ITGA8: variants seen among roughly 807,000 people sequenced by gnomAD.
ITGA8 encodes the protein integrin alpha-8.
ITGA8 carries 91 observed loss-of-function variants against 142.3 expected under a neutral mutation model. The observed-to-expected ratio is 0.64, with a 90% CI of 0.54 to 0.76. The LOEUF is 0.76. Ranked by LOEUF, ITGA8 falls within the 30% of genes least tolerant of loss-of-function variation. The pLI is 0.00. For synonymous variants in ITGA8, 505 were observed against 485.2 expected (o/e 1.04, Z -0.54); for missense variants, 1,406 against 1,327.7 (o/e 1.06, Z -0.92).
At chr10:15,671,995 T>G (rs1157409526) in intron 7 of ITGA8, among the ~76,000 whole-genome samples, 2 of 152,136 alleles carry the variant, frequency 1.3e-5, no homozygotes, top group Non-Finnish European at 2.9e-5. Flanking sequence ...AGCTGCTGAT[T>G]GAAAATAATG....
At chr10:15,669,133 C>T (rs1005520299) in intron 8 of ITGA8, among the ~76,000 whole-genome samples, 1 of 152,198 alleles carries the variant, frequency 6.6e-6, no homozygotes, top group Admixed American at 6.5e-5. Flanking sequence ...TGGTTCTATT[C>T]TCCCTGTCAC....
intron 27 of ITGA8, among the ~76,000 whole-genome samples, chr10:15,533,293 C>T (rs1174545485): frequency 6.6e-6 from 1 of 152,178 alleles, no homozygotes; most frequent in African/African-American, 2.4e-5. Context: ...TACTCCTACC[C>T]TCCAGAATAA....
Position 15,517,637 on chromosome 10 carries a change from C to T in ITGA8, c.3106-393G>A, listed in dbSNP as rs911002291. Among the ~76,000 whole-genome samples, 12 of 152,146 alleles carry T rather than the reference C, an allele frequency of 7.9e-5. 1 individual carries two copies. Among genetic ancestry groups the T allele is most frequent in the African/African-American group, 1.4e-4 (6 of 41,444 alleles). ...CCACACCTGGCCCTTTATGTATTTT[C>T]GAAGGAGCCTGGAGCTCTGCACGTA... On this transcript the variant is annotated intron_variant, in intron 29 of 29. Transcript: ENST00000378076.
chr10:15,549,394 A>T (rs10737106), intron 26 of ITGA8, among the ~76,000 whole-genome samples: 77,275 of 151,410 alleles, frequency 0.51, 23,618 homozygotes, highest in Middle Eastern at 0.67. Context: ...TATTTTTAGT[A>T]GAGATGGGGT....
chr10:15,649,288 C>A (rs1834043062), intron 11 of ITGA8, among the ~76,000 whole-genome samples: 1 of 151,662 alleles, frequency 6.6e-6, no homozygotes, highest in South Asian at 2.1e-4. Context: ...TATATTGTTA[C>A]AATCAATATT....
intron 23 of ITGA8, among the ~76,000 whole-genome samples, chr10:15,582,660 C>T (rs577204194): frequency 1.3e-5 from 2 of 152,268 alleles, no homozygotes; most frequent in South Asian, 4.1e-4. Flanking sequence ...ATATTGATGG[C>T]AAATAAGCAC....
intron 28 of ITGA8, among the ~76,000 whole-genome samples, chr10:15,523,015 CAA>C (rs60985014): frequency 9.2e-5 from 13 of 140,802 alleles, no homozygotes; most frequent in African/African-American, 1.8e-4. Context: ...GGCTCAGTCT[CAA>C]AAAAAAAAAA....
At position 15,677,574 on chromosome 10, in the gene ITGA8, T is replaced by C. The variant is rs184641621; in HGVS notation, c.676+18A>G. The C allele has an allele frequency of 4.4e-6, 7 of 1,609,100 alleles. No individual in the cohort carries two copies. The highest frequency in any genetic ancestry group is 5.9e-6 in the Non-Finnish European group (7 of 1,177,256). ...AGTAACAACAAATGTGCTTTTCTTG[T>C]CTGCCAACAGAACATACCTTGCCAG... On this transcript the variant is annotated intron_variant, in intron 6 of 29. Transcript: ENST00000378076.
intron 8 of ITGA8, among the ~76,000 whole-genome samples, chr10:15,666,635 G>C (rs1189159793): frequency 6.6e-6 from 1 of 152,168 alleles, no homozygotes; most frequent in East Asian, 1.9e-4. Context: ...TGTCCATTCA[G>C]TATGATATTG....
chr10:15,596,037 G>A (rs906884139), intron 21 of ITGA8, among the ~76,000 whole-genome samples: 4 of 152,120 alleles, frequency 2.6e-5, no homozygotes, highest in Non-Finnish European at 2.9e-5. Context: ...GGCAACAAGC[G>A]TGAAACTCCA....
chr10:15,529,402 T>A (rs953228131), intron 28 of ITGA8, among the ~76,000 whole-genome samples: 15 of 152,122 alleles, frequency 9.9e-5, no homozygotes, highest in African/African-American at 2.9e-4. Context: ...CTCAGAGAGG[T>A]AAAGTGACTT....
chr10:15,565,756 A>T (rs147119730), intron 25 of ITGA8, among the ~76,000 whole-genome samples: 7,859 of 151,208 alleles, frequency 0.052, 318 homozygotes, highest in African/African-American at 0.11. Context: ...CGCCCAGCTA[A>T]TTTTTGTACT....
chr10:15,677,796 T>C (rs948046323), intron 5 of ITGA8, among the ~76,000 whole-genome samples, 159 bp from the exon 6 acceptor site: 7 of 152,242 alleles, frequency 4.6e-5, no homozygotes, highest in African/African-American at 1.7e-4. Flanking sequence ...CAGTTCATTT[T>C]CTTTCCTCTT....
chr10:15,643,364 C>T (rs1364262928), intron 13 of ITGA8, among the ~76,000 whole-genome samples: 2 of 152,172 alleles, frequency 1.3e-5, no homozygotes, highest in Non-Finnish European at 2.9e-5. Flanking sequence ...AGTGCAGCCT[C>T]CGCCTCCCGG....
chr10:15,710,446 A>G (rs1458744277), intron 2 of ITGA8, among the ~76,000 whole-genome samples: 2 of 152,236 alleles, frequency 1.3e-5, no homozygotes, highest in African/African-American at 4.8e-5. Context: ...AAGGATTTGT[A>G]GCTACTTTAG....
At position 15,605,793 on chromosome 10, in the gene ITGA8, TG is replaced by T. The variant is rs1833184644; in HGVS notation, c.1903-3del. On this transcript the variant is annotated splice_region_variant and splice_polypyrimidine_tract_variant and intron_variant, in intron 18 of 29. Transcript: ENST00000378076. Reference sequence around the variant, plus strand: ...TCCACAGTCCACCAGAATGTGAGCCTGTGTTGTATAAACGCACGTCAGGAAC... The same window carrying T: ...TCCACAGTCCACCAGAATGTGAGCCTTGTTGTATAAACGCACGTCAGGAAC... 1 of 1,613,214 alleles carries T rather than the reference TG, an allele frequency of 6.2e-7. No individual in the cohort carries two copies.
intron 23 of ITGA8, among the ~76,000 whole-genome samples, chr10:15,585,995 A>G (rs1832821493): frequency 6.7e-6 from 1 of 149,446 alleles, no homozygotes; most frequent in South Asian, 2.1e-4. Context: ...CTGGCTTCTT[A>G]TCAGCTGGTT....
intron 23 of ITGA8, among the ~76,000 whole-genome samples, chr10:15,575,964 AGTGT>A (rs761559396): frequency 5.6e-5 from 8 of 142,532 alleles, no homozygotes; most frequent in Middle Eastern, 3.6e-3. Flanking sequence ...TGTGTGTGTG[AGTGT>A]GTGTGTGTGT....
intron 20 of ITGA8, among the ~76,000 whole-genome samples, chr10:15,601,422 G>A (rs1385398362): frequency 6.6e-6 from 1 of 152,076 alleles, no homozygotes; most frequent in Non-Finnish European, 1.5e-5. Context: ...TGGGGAGAGG[G>A]AGCAATGGGG....
Sources: allele counts gnomAD v4.1 joint callset (sites outside exome capture counted in the v4.1 genomes callset), GRCh38; gene constraint gnomAD v4.1.1; transcripts MANE v1.5; gene names NCBI Gene and HGNC (gene_info 2026-07-23, HGNC 2026-07-21).